Variants in IL1RAPL2 observed in about 807,000 individuals in gnomAD.
The protein encoded by IL1RAPL2 is interleukin 1 receptor accessory protein like 2, also known as X-linked interleukin-1 receptor accessory protein-like 2.
A neutral mutation model predicts 44.1 loss-of-function variants in IL1RAPL2; 3 were observed. The observed-to-expected ratio is 0.07, with a 90% CI of 0.03 to 0.18. The LOEUF (loss-of-function observed/expected upper bound fraction) is 0.18. Ranked by LOEUF, IL1RAPL2 falls within the 10% of genes least tolerant of loss-of-function variation. The probability of loss-of-function intolerance (pLI) is 1.00; values close to 1 mark genes in which losing one functional copy is unlikely to be tolerated. For missense variants in IL1RAPL2, 391 were observed against 496.4 expected, an observed-to-expected ratio of 0.79 and a Z score of 2.02; for synonymous variants, 181 against 178.8, an observed-to-expected ratio of 1.01 and a Z score of -0.10.
chrX:105,139,358 AAG>A (rs1353430528), intron 2 of IL1RAPL2, among the ~76,000 whole-genome samples: 4 of 111,494 alleles, frequency 3.6e-5, no homozygotes, highest in Non-Finnish European at 7.5e-5. Flanking sequence ...GAGTTTGAAA[AAG>A]GGGGGAGAAT....
At chrX:105,177,396 A>C (rs755812381) in intron 2 of IL1RAPL2, among the ~76,000 whole-genome samples, 9 of 110,936 alleles carry the variant, frequency 8.1e-5, no homozygotes, top group Non-Finnish European at 1.5e-4. Flanking sequence ...GAGTTGTATA[A>C]TTATTTTATT....
intron 9 of IL1RAPL2, among the ~76,000 whole-genome samples, chrX:105,753,912 G>C (rs2038615923): frequency 1.8e-5 from 2 of 111,833 alleles, no homozygotes; most frequent in African/African-American, 6.5e-5. Context: ...CTACTTCAGA[G>C]ATAGGGAGGT....
At position 105,001,095 on chromosome X, in the gene IL1RAPL2, C is replaced by G. The variant is rs184747496; in HGVS notation, c.83-194380C>G. On this transcript the variant is annotated intron_variant, in intron 2 of 10. Coordinates refer to ENST00000372582, the MANE Select transcript of IL1RAPL2 (RefSeq NM_017416.2). ...TTCCTGCTTTGTACTGAAATTTAAGCAAATGGGTTCCTATTTTTCGTTTAC... is the reference window on the plus strand; with the variant it reads ...TTCCTGCTTTGTACTGAAATTTAAGGAAATGGGTTCCTATTTTTCGTTTAC... Among the ~76,000 whole-genome samples, 8 of 111,486 alleles carry G rather than the reference C, an allele frequency of 7.2e-5. No homozygotes were observed. The South Asian group carries it at 1.5e-3, about 21-fold the overall frequency.
chrX:104,919,110 AAAT>A (rs773818345), intron 2 of IL1RAPL2, among the ~76,000 whole-genome samples: 1 of 111,856 alleles, frequency 8.9e-6, no homozygotes, highest in Non-Finnish European at 1.9e-5. Context: ...TTTAATGAAA[AAAT>A]AAGTTACAAA....
At chrX:105,272,101 G>A (rs1259199194) in intron 5 of IL1RAPL2, among the ~76,000 whole-genome samples, 7 of 96,493 alleles carry the variant, frequency 7.3e-5, no homozygotes, top group African/African-American at 2.7e-4. Flanking sequence ...ATGGACACAG[G>A]AAGGGGAATA....
chrX:105,728,284 T>C (rs1025653942), intron 7 of IL1RAPL2, among the ~76,000 whole-genome samples: 1 of 111,949 alleles, frequency 8.9e-6, no homozygotes, highest in African/African-American at 3.2e-5. Context: ...ACACAGTACA[T>C]AGCCTTTTCA....
intron 6 of IL1RAPL2, among the ~76,000 whole-genome samples, chrX:105,528,593 C>A: frequency 9.0e-6 from 1 of 111,303 alleles, no homozygotes; most frequent in Non-Finnish European, 1.9e-5. Context: ...CTAGATTAAC[C>A]AGTTGTTAAC....
intron 1 of IL1RAPL2, among the ~76,000 whole-genome samples, chrX:104,634,209 C>G (rs923697545): frequency 8.1e-5 from 9 of 111,371 alleles, no homozygotes; most frequent in African/African-American, 2.6e-4. Flanking sequence ...GTCTGAGAGA[C>G]AGTTTGTTAT....
intron 2 of IL1RAPL2, among the ~76,000 whole-genome samples, chrX:105,106,348 C>G (rs2032744115): frequency 9.0e-6 from 1 of 110,768 alleles, no homozygotes; most frequent in Non-Finnish European, 1.9e-5. Flanking sequence ...GGAAACCGGG[C>G]TCTTCCATCT....
intron 2 of IL1RAPL2, among the ~76,000 whole-genome samples, chrX:105,096,232 T>C (rs1048767546): frequency 8.9e-6 from 1 of 111,807 alleles, no homozygotes; most frequent in African/African-American, 3.3e-5. Context: ...GCATTGCTGA[T>C]GGGAGGTAAA....
intron 5 of IL1RAPL2, among the ~76,000 whole-genome samples, chrX:105,380,310 C>T (rs2035420084): frequency 9.0e-6 from 1 of 111,389 alleles, no homozygotes; most frequent in African/African-American, 3.3e-5. Flanking sequence ...TATTGAGAAG[C>T]ACTGTATTTT....
At chrX:105,136,422 T>C (rs1411420962) in intron 2 of IL1RAPL2, among the ~76,000 whole-genome samples, 1 of 112,245 alleles carries the variant, frequency 8.9e-6, no homozygotes, top group African/African-American at 3.2e-5. Context: ...CAAAGGCACG[T>C]GTAAATGTGA....
chrX:105,274,290 C>T (rs774860165), intron 5 of IL1RAPL2, among the ~76,000 whole-genome samples: 1 of 111,339 alleles, frequency 9.0e-6, no homozygotes, highest in Non-Finnish European at 1.9e-5. Flanking sequence ...TGGTATGGTG[C>T]CAGGAAAAAA....
chrX:105,221,784 A>C (rs2033967187), intron 3 of IL1RAPL2, among the ~76,000 whole-genome samples: 1 of 111,818 alleles, frequency 8.9e-6, no homozygotes, highest in African/African-American at 3.2e-5. Context: ...TATATGCAGG[A>C]GATGATTCCC....
At chrX:105,414,463 T>C in intron 5 of IL1RAPL2, among the ~76,000 whole-genome samples, 1 of 111,900 alleles carries the variant, frequency 8.9e-6, no homozygotes, top group Non-Finnish European at 1.9e-5. Flanking sequence ...TTCAATGTCT[T>C]CCCACTATAC....
chrX:105,541,544 A>G (rs1277532916), intron 6 of IL1RAPL2, among the ~76,000 whole-genome samples: 2 of 111,248 alleles, frequency 1.8e-5, no homozygotes, highest in Middle Eastern at 4.7e-3. Context: ...GGCAGATTGT[A>G]GAGAGCATTG....
chrX:104,618,878 G>A (rs1929330905), intron 1 of IL1RAPL2, among the ~76,000 whole-genome samples: 1 of 111,452 alleles, frequency 9.0e-6, no homozygotes, highest in South Asian at 3.8e-4. Flanking sequence ...CAAGTGGGTG[G>A]TCCAAATGTC....
intron 6 of IL1RAPL2, among the ~76,000 whole-genome samples, chrX:105,616,786 G>T (rs2037379981): frequency 9.0e-6 from 1 of 110,572 alleles, no homozygotes; most frequent in Non-Finnish European, 1.9e-5. Context: ...TTTCGATAAA[G>T]TCCAGTTTAT....
intron 5 of IL1RAPL2, among the ~76,000 whole-genome samples, chrX:105,376,568 G>T (rs1328758585): frequency 8.9e-6 from 1 of 111,735 alleles, no homozygotes; most frequent in African/African-American, 3.3e-5. Flanking sequence ...CATAGTAAAA[G>T]ATAAACCCTT....
Sources: allele counts gnomAD v4.1 joint callset (sites outside exome capture counted in the v4.1 genomes callset), GRCh38; gene constraint gnomAD v4.1.1; transcripts MANE v1.5; gene names NCBI Gene and HGNC (gene_info 2026-07-23, HGNC 2026-07-21).